The following COL6A3 variants were observed in gnomAD, a reference collection of about 807,000 sequenced individuals.
The protein encoded by COL6A3 is collagen type VI alpha 3 chain.
In COL6A3, 137 loss-of-function variants were observed where a neutral mutation model predicts 274.1. The ratio of observed to expected loss-of-function variants is 0.50; its 90% CI spans 0.44 to 0.58. The LOEUF (loss-of-function observed/expected upper bound fraction) is 0.58. COL6A3 is among the 20% of genes least tolerant of loss of function. The pLI is 0.00. For missense variants in COL6A3, 3,950 were observed against 4,124.9 expected, an observed-to-expected ratio of 0.96 and a Z score of 1.16; for synonymous variants, 1,650 against 1,650.6, an observed-to-expected ratio of 1.00 and a Z score of 0.01.
chr2:237,351,061 G>A (rs2077196212), intron 27 of COL6A3, 69 bp downstream of exon 27: 6 of 1,448,194 alleles, frequency 4.1e-6, no homozygotes, highest in South Asian at 2.3e-5. Context: ...ACTGACCAAA[G>A]AGGGAGAGGG....
In COL6A3 at chr2:237,376,943, C is replaced by G; in HGVS notation, c.2899G>C (p.Gly967Arg). 6.2e-7 allele frequency: 1 copy of G among 1,614,186 alleles called. No homozygotes were observed. The highest frequency in any genetic ancestry group is 8.5e-7 in the Non-Finnish European group (1 of 1,180,036). Residue 967 changes from glycine (G) to arginine (R), a missense_variant, in exon 7 of 44, where the codon GGG becomes CGG. By Grantham distance (125) the Gly-to-Arg change is moderately radical (BLOSUM62 -2). Transcript: ENST00000295550. ...GCTTGGAAGATGAAAGGCACAACCC[C>G]ACTCTGCTTCAGGTTACTTGCTGGC... ...DGPASNLKQSGVVPFIFQAKN... is the reference protein window; with the variant it reads ...DGPASNLKQSRVVPFIFQAKN...
Position 237,364,954 on chromosome 2 carries a change from A to G in COL6A3, c.5839-526T>C, listed in dbSNP as rs2106348167. 6.6e-6 allele frequency among the ~76,000 whole-genome samples: 1 copy of G among 151,708 alleles called. No homozygotes were observed. On this transcript the variant is annotated intron_variant, in intron 12 of 43. Transcript: ENST00000295550. The surrounding 1 kb of genome is among the most constrained non-coding windows in gnomAD (Gnocchi z 4.6). ...GCGTGTGTGCATGTGTGCATGTGTT[A>G]TGGGCTAAATTGTGTCCCCTCAAAA...
chr2:237,342,398 T>C, intron 36 of COL6A3: 1 of 548,720 alleles, frequency 1.8e-6, no homozygotes, highest in Non-Finnish European at 3.3e-6. Flanking sequence ...TGGGTTTCAG[T>C]TTTTTTCAGC....
At chr2:237,330,566 G>T (rs1700177841) in intron 42 of COL6A3, among the ~76,000 whole-genome samples, 1 of 152,130 alleles carries the variant, frequency 6.6e-6, no homozygotes, top group South Asian at 2.1e-4. Flanking sequence ...ATCCTGAGTG[G>T]TTGCTAACGA....
chr2:237,358,985 G>A, intron 20 of COL6A3, 50 bp downstream of exon 20: 1 of 1,587,760 alleles, frequency 6.3e-7, no homozygotes, highest in Non-Finnish European at 8.6e-7. Context: ...TTCCCTAAAT[G>A]AAATGTTGAT....
At chr2:237,345,726 G>A (rs896745907) in intron 32 of COL6A3, among the ~76,000 whole-genome samples, 1 of 152,096 alleles carries the variant, frequency 6.6e-6, no homozygotes, top group East Asian at 1.9e-4. Flanking sequence ...CATCTCATGG[G>A]CCATTAGTTG....
At chr2:237,354,594 C>A (rs1387124213) in intron 24 of COL6A3, among the ~76,000 whole-genome samples, 1 of 152,200 alleles carries the variant, frequency 6.6e-6, no homozygotes, top group Non-Finnish European at 1.5e-5. Flanking sequence ...TCCTCCCCTG[C>A]CTCGAGTTGT....
chr2:237,344,069 T>G lies in COL6A3; in HGVS notation c.7668+281A>C. 1 of 512,998 alleles carries G rather than the reference T, an allele frequency of 1.9e-6. No homozygotes were observed. Among genetic ancestry groups the G allele is most frequent in the East Asian group, 3.7e-5 (1 of 27,110 alleles). 31.8% of individuals were successfully genotyped at this position (512,998 alleles called of 1,614,324 possible). A position where few individuals can be genotyped will look rare whatever the true frequency, so the allele number is the denominator to read the frequency against. Reference sequence around the variant, plus strand: ...CAAGTCACACCACCTTGTTAGTAGATAGAGAGTGTCACCAACACTAGCATC... The same window carrying G: ...CAAGTCACACCACCTTGTTAGTAGAGAGAGAGTGTCACCAACACTAGCATC... On this transcript the variant is annotated intron_variant, in intron 36 of 43. Coordinates refer to ENST00000295550, the MANE Select transcript of COL6A3 (RefSeq NM_004369.4). The surrounding 1 kb of genome is among the most constrained non-coding windows in gnomAD (Gnocchi z 4.8).
At chr2:237,392,175 T>C (rs1204258297) in intron 3 of COL6A3, among the ~76,000 whole-genome samples, 2 of 152,216 alleles carry the variant, frequency 1.3e-5, no homozygotes, top group African/African-American at 2.4e-5. Context: ...GAGTAACCAC[T>C]GGGAAAACCA....
chr2:237,376,471 GT>G (rs1412378664), intron 7 of COL6A3, among the ~76,000 whole-genome samples: 2 of 152,152 alleles, frequency 1.3e-5, no homozygotes, highest in African/African-American at 4.8e-5. Context: ...CATAAAAACT[GT>G]TTTTAAAAAA....
intron 24 of COL6A3, among the ~76,000 whole-genome samples, chr2:237,354,094 C>T (rs1402683058): frequency 2.0e-5 from 3 of 151,712 alleles, no homozygotes; most frequent in Non-Finnish European, 2.9e-5. Flanking sequence ...TCACTGCAAC[C>T]TCTGCCTCCC....
At chr2:237,333,328 G>C in intron 42 of COL6A3, 122 bp downstream of exon 42, 1 of 846,166 alleles carries the variant, frequency 1.2e-6, no homozygotes, top group Non-Finnish European at 2.0e-6. Context: ...CAGAGCTGAC[G>C]TGGACCTTTT....
intron 2 of COL6A3, among the ~76,000 whole-genome samples, chr2:237,395,864 AT>A (rs2078426793): frequency 6.6e-6 from 1 of 152,190 alleles, no homozygotes; most frequent in South Asian, 2.1e-4. Flanking sequence ...GATGTCAAAC[AT>A]TATCTATCTC....
Position 237,366,860 on chromosome 2 carries a change from A to G in COL6A3, c.5327T>C (p.Val1776Ala), listed in dbSNP as rs1273348479. The G allele has an allele frequency of 5.6e-6, 9 of 1,614,096 alleles. No individual in the cohort carries two copies. The East Asian group carries it at 1.3e-4, about 24-fold the overall frequency. ...CTCCGAGTCGATATTCCTCACTCCA[A>G]CAGCAAACACTTTGACCCCCCTCTG... is the stretch of plus-strand genomic sequence containing the variant. ...LTQRGVKVFA[V>A]GVRNIDSEEV... Residue 1776 changes from valine (V) to alanine (A), a missense_variant, in exon 11 of 44, where the codon GTT (valine) becomes GCT (alanine). By Grantham distance (64) the Val-to-Ala change is moderately conservative. Coordinates refer to ENST00000295550, the MANE Select transcript of COL6A3 (RefSeq NM_004369.4).
chr2:237,351,191 C>T lies in COL6A3; in HGVS notation c.6755G>A (p.Gly2252Glu). ...AGGAGCACCAGCGGCACCTCCGCTT[C>T]CCTGGAGCAGGAGGGGAGGAATGTG... ...IGEQGISGPRGSGGAAGAPGE... is the reference protein window; with the variant it reads ...IGEQGISGPRESGGAAGAPGE... The change falls in exon 27 of 44, where the codon GGA becomes GAA. Residue 2252 changes from glycine to glutamate, a missense_variant and splice_region_variant. This residue lies in a region of COL6A3 where 1,284 missense variants were observed against 1,349.7 expected (regional missense o/e 0.95). Coordinates refer to ENST00000295550, the MANE Select transcript of COL6A3 (RefSeq NM_004369.4). 2 of 1,614,192 alleles carry T rather than the reference C, an allele frequency of 1.2e-6. No individual in the cohort carries two copies. Among genetic ancestry groups the T allele is most frequent in the Non-Finnish European group, 1.7e-6 (2 of 1,180,006 alleles).
intron 25 of COL6A3, among the ~76,000 whole-genome samples, chr2:237,352,824 A>G (rs899181270): frequency 1.8e-4 from 28 of 152,348 alleles, no homozygotes; most frequent in African/African-American, 6.7e-4. Context: ...AACGTGTAGG[A>G]GAATCTTCAC....
intron 38 of COL6A3, 125 bp downstream of exon 38, chr2:237,340,327 T>C: frequency 1.1e-6 from 1 of 901,598 alleles, no homozygotes. Context: ...TCAATATATG[T>C]CTGTTCAATG....
At position 237,348,596 on chromosome 2, in the gene COL6A3, C is replaced by A; in HGVS notation, c.6930+17G>T. ...CTGGCAGCAAGGACGCTTGGATAAT[C>A]CTCAGCAGATACGTACTTTTTTGCC... On this transcript the variant is annotated intron_variant, in intron 29 of 43. Transcript: ENST00000295550. 6.2e-7 allele frequency: 1 copy of A among 1,612,844 alleles called. No homozygotes were observed. Among genetic ancestry groups the A allele is most frequent in the Non-Finnish European group, 8.5e-7 (1 of 1,178,962 alleles).
At chr2:237,370,517 G>T (rs371033297) in intron 9 of COL6A3, among the ~76,000 whole-genome samples, 1 of 152,132 alleles carries the variant, frequency 6.6e-6, no homozygotes, top group South Asian at 2.1e-4. Flanking sequence ...GATTACAGGC[G>T]TGAGCCACCA....
Sources: allele counts gnomAD v4.1 joint callset (sites outside exome capture counted in the v4.1 genomes callset), GRCh38; gene constraint gnomAD v4.1.1; regional missense constraint gnomAD v4.1.1; non-coding constraint Gnocchi (gnomAD v3.1); transcripts MANE v1.5; gene names NCBI Gene and HGNC (gene_info 2026-07-23, HGNC 2026-07-21).